SNX13: variants seen among roughly 807,000 people sequenced by gnomAD.
SNX13 encodes sorting nexin 13, also known as sorting nexin-13.
In SNX13, 45 loss-of-function variants were observed where a neutral mutation model predicts 133.6. That is an observed-to-expected ratio of 0.34 (90% CI 0.27 to 0.43). The LOEUF (loss-of-function observed/expected upper bound fraction) is 0.43. Among genes scored for constraint, SNX13 ranks in the 20% least tolerant of loss-of-function variants. The probability of loss-of-function intolerance (pLI) is 1.00; values close to 1 mark genes in which losing one functional copy is unlikely to be tolerated. For missense variants in SNX13, 1,032 were observed against 1,145.1 expected (o/e 0.90, Z 1.43); for synonymous variants, 414 against 373.9 (o/e 1.11, Z -1.24).
chr7:17,859,449 C>T (rs1792349766), intron 9 of SNX13, among the ~76,000 whole-genome samples: 1 of 152,082 alleles, frequency 6.6e-6, no homozygotes, highest in African/African-American at 2.4e-5. Context: ...AAGACCAGAA[C>T]TGTAAAATAC....
intron 20 of SNX13, among the ~76,000 whole-genome samples, chr7:17,805,267 A>ATGTG (rs1785161406): frequency 3.5e-5 from 2 of 56,354 alleles, no homozygotes; most frequent in African/African-American, 1.2e-4. Context: ...GCGCGCGCGC[A>ATGTG]TGCATGCACA....
At chr7:17,796,034 T>C (rs921154328) in intron 25 of SNX13, 2 of 151,728 alleles carry the variant, frequency 1.3e-5, no homozygotes, top group African/African-American at 4.8e-5. Flanking sequence ...TGTACAAATA[T>C]GTCTGTTCAT....
intron 5 of SNX13, among the ~76,000 whole-genome samples, chr7:17,885,330 G>C (rs953067983): frequency 1.3e-5 from 2 of 149,648 alleles, no homozygotes; most frequent in Non-Finnish European, 3.0e-5. Context: ...TGGTTACCTA[G>C]AGCTAGAAGC....
chr7:17,795,278 C>A (rs1369464297), intron 25 of SNX13: 1 of 151,580 alleles, frequency 6.6e-6, no homozygotes, highest in South Asian at 2.1e-4. Context: ...AATAATTATT[C>A]ATAATACTGA....
rs1013499861 is a variant in SNX13, at chr7:17,890,613, A to G, written c.319-129T>C. ...TCTACGTATTAATTTATGGTGGTAA[A>G]TACCTGCCCTCATTACAAAAACATC... On this transcript the variant is annotated intron_variant, in intron 4 of 25. Coordinates refer to ENST00000428135, the MANE Select transcript of SNX13 (RefSeq NM_015132.5). 7 of 518,662 alleles carry G rather than the reference A, an allele frequency of 1.3e-5. No homozygotes were observed. The African/African-American group carries it at 1.4e-4, about 10-fold the overall frequency. The allele number at this position is 518,662 out of a possible 1,614,324, so 32.1% of individuals were successfully genotyped here.
chr7:17,931,855 G>A (rs889443105), intron 1 of SNX13, among the ~76,000 whole-genome samples: 3 of 152,072 alleles, frequency 2.0e-5, no homozygotes, highest in African/African-American at 7.2e-5. Flanking sequence ...AACTTTTCTG[G>A]TATATATTAT....
intron 9 of SNX13, among the ~76,000 whole-genome samples, chr7:17,863,993 A>AT (rs1431945309): frequency 6.6e-6 from 1 of 152,238 alleles, no homozygotes; most frequent in Non-Finnish European, 1.5e-5. Context: ...CTGAAATAGC[A>AT]TAGTGACCAT....
At chr7:17,940,232 G>A in intron 1 of SNX13, 52 bp downstream of exon 1, 2 of 1,551,806 alleles carry the variant, frequency 1.3e-6, no homozygotes, top group Non-Finnish European at 1.7e-6. Flanking sequence ...ACGGGCTGGC[G>A]CCGGCCCCTT....
intron 20 of SNX13, among the ~76,000 whole-genome samples, 178 bp downstream of exon 20, chr7:17,814,653 CATG>C (rs1485373010): frequency 2.0e-5 from 3 of 152,104 alleles, no homozygotes; most frequent in African/African-American, 7.2e-5. Context: ...TTATAATCAA[CATG>C]TCAAGACAGG....
chr7:17,801,478 C>T, intron 22 of SNX13, 110 bp downstream of exon 22: 1 of 751,832 alleles, frequency 1.3e-6, no homozygotes. Context: ...TCAAGCTTAA[C>T]ACTTATAATA....
chr7:17,937,159 T>C (rs1802182991), intron 1 of SNX13, among the ~76,000 whole-genome samples: 2 of 151,890 alleles, frequency 1.3e-5, no homozygotes, highest in African/African-American at 4.8e-5. Context: ...ATAATATAAA[T>C]TGAAGCCAAA....
At chr7:17,906,596 A>AT (rs1477361809) in intron 1 of SNX13, among the ~76,000 whole-genome samples, 1 of 152,084 alleles carries the variant, frequency 6.6e-6, no homozygotes, top group Admixed American at 6.6e-5. Context: ...TCATAATCTG[A>AT]TATGGCCAAA....
At chr7:17,930,280 A>G (rs915576531) in intron 1 of SNX13, among the ~76,000 whole-genome samples, 4 of 152,158 alleles carry the variant, frequency 2.6e-5, no homozygotes, top group Non-Finnish European at 5.9e-5. Context: ...AACGTTAGCA[A>G]CCTTTCCAAG....
In SNX13 at chr7:17,821,384, T is replaced by C. The variant is rs923017001; in HGVS notation, c.1845+125A>G. ...CTCAGATTAATTCTAAGATTTATGG[T>C]GATTATACCAAAAATTCTTACCTTA... is the stretch of plus-strand genomic sequence containing the variant. On this transcript the variant is annotated intron_variant, in intron 18 of 25. Coordinates refer to ENST00000428135, the MANE Select transcript of SNX13 (RefSeq NM_015132.5). 2.2e-5 allele frequency: 19 copies of C among 869,346 alleles called. No individual in the cohort carries two copies. In the African/African-American group the frequency reaches 3.1e-4, roughly 14 times the overall value. The allele number at this position is 869,346 out of a possible 1,614,324, so 53.9% of individuals were successfully genotyped here.
At chr7:17,885,554 G>A (rs1243300069) in intron 5 of SNX13, among the ~76,000 whole-genome samples, 1 of 152,196 alleles carries the variant, frequency 6.6e-6, no homozygotes, top group Non-Finnish European at 1.5e-5. Context: ...TAGGCTGGGT[G>A]TGGTGGCTCA....
chr7:17,828,139 T>C (rs1257537489), intron 16 of SNX13, among the ~76,000 whole-genome samples: 1 of 151,700 alleles, frequency 6.6e-6, no homozygotes, highest in Non-Finnish European at 1.5e-5. Context: ...AATTAGTAAA[T>C]ATTATTTTCA....
In SNX13 at chr7:17,796,995, G is replaced by A. The variant is rs1055644812; in HGVS notation, c.2514-56C>T. On this transcript the variant is annotated intron_variant, in intron 24 of 25. Coordinates refer to ENST00000428135, the MANE Select transcript of SNX13 (RefSeq NM_015132.5). Reference sequence around the variant, plus strand: ...ACATTTTCATTTTCTAATGATACAAGTTGATAAAATTATTTCAAATTTCTA... The same window carrying A: ...ACATTTTCATTTTCTAATGATACAAATTGATAAAATTATTTCAAATTTCTA... The A allele has an allele frequency of 3.9e-6, 5 of 1,274,652 alleles. No homozygotes were observed. The Admixed American group carries it at 7.4e-5, about 19-fold the overall frequency. 79.0% of individuals were successfully genotyped at this position (1,274,652 alleles called of 1,614,324 possible).
intron 1 of SNX13, among the ~76,000 whole-genome samples, chr7:17,928,168 C>T (rs35819944): frequency 0.39 from 58,600 of 151,940 alleles, 12,847 homozygotes; most frequent in Non-Finnish European, 0.48. Context: ...TGAAAAGGAG[C>T]ACCCTCTAAA....
At chr7:17,852,716 A>G (rs1791380171) in intron 9 of SNX13, among the ~76,000 whole-genome samples, 1 of 152,198 alleles carries the variant, frequency 6.6e-6, no homozygotes, top group Non-Finnish European at 1.5e-5. Context: ...GTGTATGATA[A>G]TAAGAATGAT....
Sources: gnomAD v4.1 joint callset for allele counts (sites outside exome capture counted in the v4.1 genomes callset) on GRCh38, gnomAD v4.1.1 for gene constraint, MANE v1.5 for transcripts, NCBI Gene and HGNC (gene_info 2026-07-23, HGNC 2026-07-21) for gene names.